Variants in RIMS1 observed in about 807,000 individuals in gnomAD.
The protein encoded by RIMS1 is regulating synaptic membrane exocytosis protein 1.
RIMS1 carries 83 observed loss-of-function variants against 214.1 expected under a neutral mutation model. The observed-to-expected ratio is 0.39, with a 90% CI of 0.32 to 0.47. The LOEUF is 0.47. Ranked by LOEUF, RIMS1 falls within the 20% of genes least tolerant of loss-of-function variation. RIMS1 has a pLI of 0.99. For synonymous variants in RIMS1, 793 were observed against 786.8 expected (o/e 1.01, Z -0.13); for missense variants, 2,050 against 2,161.8 (o/e 0.95, Z 1.03).
chr6:71,887,330 G>C (rs1407402380), intron 1 of RIMS1, 143 bp downstream of exon 1: 3 of 1,032,290 alleles, frequency 2.9e-6, no homozygotes, highest in Non-Finnish European at 4.3e-6. Flanking sequence ...CCTTGGGCCA[G>C]GGGCGCGGGG....
intron 6 of RIMS1, among the ~76,000 whole-genome samples, chr6:72,208,176 T>C (rs976471423): frequency 5.5e-4 from 83 of 152,210 alleles, no homozygotes; most frequent in African/African-American, 1.9e-3. Flanking sequence ...AGTAATCTTA[T>C]TTCTGTCTGA....
chr6:72,395,832 T>C lies in RIMS1; in HGVS notation c.4619-2417T>C, dbSNP rs530085928. 1.9e-4 allele frequency among the ~76,000 whole-genome samples: 29 copies of C among 152,056 alleles called. No individual in the cohort carries two copies. In the Middle Eastern group the frequency reaches 0.014, roughly 71 times the overall value. On this transcript the variant is annotated intron_variant, in intron 31 of 33. Coordinates refer to ENST00000521978, the MANE Select transcript of RIMS1 (RefSeq NM_014989.7). The stretch of plus-strand genomic sequence containing the variant: ...ACTGATTTGATCATAACAAAGTATA[T>C]GAATGTATTAAATTATCACACATAC...
intron 27 of RIMS1, 102 bp from the exon 28 acceptor site, chr6:72,313,404 A>G: frequency 9.7e-6 from 9 of 926,710 alleles, no homozygotes; most frequent in Non-Finnish European, 1.5e-5. Flanking sequence ...TTATGAAGGT[A>G]CACCTTTATT....
intron 6 of RIMS1, among the ~76,000 whole-genome samples, chr6:72,203,935 A>G (rs1433679666): frequency 6.6e-6 from 1 of 152,114 alleles, no homozygotes; most frequent in Non-Finnish European, 1.5e-5. Flanking sequence ...TTTTTTTGGT[A>G]TCATAAGATG....
intron 6 of RIMS1, chr6:72,217,067 T>C: frequency 6.7e-7 from 1 of 1,486,028 alleles, no homozygotes. Context: ...ACAGGGAATT[T>C]TATTTAAAAT....
chr6:71,987,561 A>G (rs1800391601), intron 2 of RIMS1, among the ~76,000 whole-genome samples: 1 of 152,124 alleles, frequency 6.6e-6, no homozygotes, highest in Non-Finnish European at 1.5e-5. Flanking sequence ...GGGACGGTAC[A>G]AACATTCAGT....
intron 16 of RIMS1, among the ~76,000 whole-genome samples, chr6:72,255,708 C>T (rs564786930): frequency 6.6e-6 from 1 of 152,262 alleles, no homozygotes; most frequent in Non-Finnish European, 1.5e-5. Context: ...TAATCTCTAA[C>T]CCTGAGTCAA....
rs566016820 is a variant in RIMS1 at position 72,017,103 on chromosome 6, G to A, written c.245+48040G>A. Among the ~76,000 whole-genome samples the A allele has an allele frequency of 2.6e-5, 4 of 152,294 alleles. No individual in the cohort carries two copies. In the South Asian group the frequency reaches 8.3e-4, roughly 32 times the overall value. On this transcript the variant is annotated intron_variant, in intron 2 of 33. Transcript: ENST00000521978. Reference sequence around the variant, plus strand: ...TAGGGTCTACTCATGATGGCCCGTGGTATAGACATAGGCAGAGACAACATG... The same window carrying A: ...TAGGGTCTACTCATGATGGCCCGTGATATAGACATAGGCAGAGACAACATG...
intron 22 of RIMS1, among the ~76,000 whole-genome samples, chr6:72,273,839 A>G (rs1056444449): frequency 6.6e-6 from 1 of 152,200 alleles, no homozygotes; most frequent in South Asian, 2.1e-4. Context: ...AACACTGAAG[A>G]ACACTTTTAT....
intron 2 of RIMS1, among the ~76,000 whole-genome samples, chr6:72,013,754 G>T (rs191723223): frequency 5.5e-4 from 83 of 152,106 alleles, no homozygotes; most frequent in Non-Finnish European, 1.1e-3. Context: ...TATAAAATTC[G>T]CTGTATGAAA....
intron 2 of RIMS1, among the ~76,000 whole-genome samples, chr6:72,077,701 C>G (rs1832265292): frequency 6.6e-6 from 1 of 152,206 alleles, no homozygotes; most frequent in Non-Finnish European, 1.5e-5. Flanking sequence ...AGATATTACA[C>G]CAACATTCTC....
intron 26 of RIMS1, among the ~76,000 whole-genome samples, chr6:72,294,924 G>T (rs2093901207): frequency 6.6e-6 from 1 of 151,720 alleles, no homozygotes; most frequent in African/African-American, 2.4e-5. Context: ...AACTCTAATG[G>T]TATGTGATAA....
chr6:72,361,703 C>T (rs986880518), intron 29 of RIMS1, among the ~76,000 whole-genome samples: 8 of 152,204 alleles, frequency 5.3e-5, no homozygotes, highest in African/African-American at 1.9e-4. Context: ...TTCCTAGCCT[C>T]TAGTGGCTGC....
chr6:72,241,900 G>A (rs1038986407), intron 9 of RIMS1, among the ~76,000 whole-genome samples: 1 of 152,140 alleles, frequency 6.6e-6, no homozygotes, highest in Non-Finnish European at 1.5e-5. Flanking sequence ...TTTATGCACA[G>A]TTTAATAAGA....
chr6:72,210,723 C>T (rs34005394), intron 6 of RIMS1, among the ~76,000 whole-genome samples: 1 of 152,242 alleles, frequency 6.6e-6, no homozygotes, highest in African/African-American at 2.4e-5. Flanking sequence ...GGTGTTGCCA[C>T]TGACTTGATA....
Position 71,909,244 on chromosome 6 carries a change from G to T in RIMS1, c.164+22057G>T, listed in dbSNP as rs549296857. 8.1e-4 allele frequency among the ~76,000 whole-genome samples: 123 copies of T among 152,222 alleles called. 1 individual carries two copies. Among genetic ancestry groups the T allele is most frequent in the African/African-American group, 2.8e-3 (116 of 41,542 alleles). ...ACTCTTGACCTCAAGTAATCCACCT[G>T]CCTCGGCCTTCCAAAGTGCCGGGAA... is the stretch of plus-strand genomic sequence containing the variant. On this transcript the variant is annotated intron_variant, in intron 1 of 33. Coordinates refer to ENST00000521978, the MANE Select transcript of RIMS1 (RefSeq NM_014989.7).
chr6:71,998,192 A>C (rs908187586), intron 2 of RIMS1, among the ~76,000 whole-genome samples: 5 of 152,110 alleles, frequency 3.3e-5, no homozygotes, highest in South Asian at 2.1e-4. Context: ...CTTTATGTGG[A>C]TTTTCAATAT....
At chr6:72,167,010 A>G (rs1252556092) in intron 4 of RIMS1, among the ~76,000 whole-genome samples, 1 of 152,022 alleles carries the variant, frequency 6.6e-6, no homozygotes, top group Non-Finnish European at 1.5e-5. Flanking sequence ...CCTGATCTTA[A>G]GTAGAGAACA....
At chr6:72,105,237 T>C (rs2034506166) in intron 4 of RIMS1, among the ~76,000 whole-genome samples, 2 of 152,160 alleles carry the variant, frequency 1.3e-5, no homozygotes. Flanking sequence ...GCAGTCTTTT[T>C]ATTCATTTTT....
Sources: allele counts gnomAD v4.1 joint callset (sites outside exome capture counted in the v4.1 genomes callset), GRCh38; gene constraint gnomAD v4.1.1; transcripts MANE v1.5; gene names NCBI Gene and HGNC (gene_info 2026-07-23, HGNC 2026-07-21).